Variants in CTNNA3 observed in about 807,000 individuals in gnomAD.
The protein encoded by CTNNA3 is catenin alpha-3.
CTNNA3 carries 76 observed loss-of-function variants against 95.7 expected under a neutral mutation model. The observed-to-expected ratio is 0.79, with a 90% CI of 0.66 to 0.96. The LOEUF is 0.96. Among genes scored for constraint, CTNNA3 ranks in the 40% least tolerant of loss-of-function variants. The probability of loss-of-function intolerance (pLI) is 0.00; values close to 1 mark genes in which losing one functional copy is unlikely to be tolerated. For synonymous variants in CTNNA3, 431 were observed against 374.4 expected, an observed-to-expected ratio of 1.15 and a Z score of -1.74; for missense variants, 1,191 against 1,089.8, an observed-to-expected ratio of 1.09 and a Z score of -1.31.
chr10:66,513,513 A>C (rs1368480296), intron 11 of CTNNA3, among the ~76,000 whole-genome samples: 5 of 152,182 alleles, frequency 3.3e-5, no homozygotes, highest in African/African-American at 1.2e-4. Context: ...GGTGGTACAC[A>C]TTGCATGGAC....
chr10:66,062,008 C>T (rs962373516), intron 15 of CTNNA3, among the ~76,000 whole-genome samples: 4 of 152,086 alleles, frequency 2.6e-5, no homozygotes, highest in Non-Finnish European at 5.9e-5. Context: ...GGGTAGGTGC[C>T]CAAATTCTGA....
chr10:66,901,840 T>C (rs1018208082), intron 7 of CTNNA3, among the ~76,000 whole-genome samples: 2 of 152,202 alleles, frequency 1.3e-5, no homozygotes, highest in Non-Finnish European at 2.9e-5. Context: ...ATGCTAAATA[T>C]GTATGCACCC....
intron 12 of CTNNA3, among the ~76,000 whole-genome samples, chr10:66,342,704 C>T (rs1384117355): frequency 6.6e-6 from 1 of 151,848 alleles, no homozygotes; most frequent in African/African-American, 2.4e-5. Context: ...TCATTAATTC[C>T]TTCATTTATT....
At chr10:66,586,969 G>T (rs1439174478) in intron 10 of CTNNA3, among the ~76,000 whole-genome samples, 1 of 152,174 alleles carries the variant, frequency 6.6e-6, no homozygotes, top group Non-Finnish European at 1.5e-5. Context: ...TAGCTGTCCA[G>T]TGGGGCTGCC....
chr10:66,320,407 T>C (rs1265340000), intron 12 of CTNNA3, among the ~76,000 whole-genome samples: 1 of 152,152 alleles, frequency 6.6e-6, no homozygotes, highest in Non-Finnish European at 1.5e-5. Context: ...TTAATTAATA[T>C]ATGTCAGTGT....
chr10:66,416,875 G>A (rs1270697711), intron 11 of CTNNA3, among the ~76,000 whole-genome samples: 1 of 151,874 alleles, frequency 6.6e-6, no homozygotes, highest in Non-Finnish European at 1.5e-5. Flanking sequence ...TATAAAAAAT[G>A]GTGAAGCAAA....
chr10:66,597,170 A>G (rs886163037), intron 10 of CTNNA3, among the ~76,000 whole-genome samples: 2 of 152,122 alleles, frequency 1.3e-5, no homozygotes, highest in Admixed American at 1.3e-4. Flanking sequence ...AGCCTATGGG[A>G]ATTATGGGAT....
At chr10:66,021,851 G>GGTTTTTTTTTTTTTTT (rs1564583857) in intron 15 of CTNNA3, among the ~76,000 whole-genome samples, 2 of 41,678 alleles carry the variant, frequency 4.8e-5, no homozygotes, top group African/African-American at 1.6e-4. Flanking sequence ...CAGGATCTTG[G>GGTTTTTTTTTTTTTTT]CTTTTTTTTT....
intron 7 of CTNNA3, among the ~76,000 whole-genome samples, chr10:66,861,253 C>A (rs1488252822): frequency 2.0e-5 from 3 of 152,154 alleles, no homozygotes; most frequent in Non-Finnish European, 4.4e-5. Flanking sequence ...TCTTGGTCAA[C>A]ATTGTTTTGT....
At chr10:66,972,983 G>A (rs1173253338) in intron 7 of CTNNA3, among the ~76,000 whole-genome samples, 1 of 152,120 alleles carries the variant, frequency 6.6e-6, no homozygotes, top group East Asian at 1.9e-4. Context: ...TTTCAGAAAT[G>A]TCAGTATTAA....
intron 7 of CTNNA3, among the ~76,000 whole-genome samples, chr10:66,805,590 A>G (rs1381216841): frequency 6.6e-6 from 1 of 151,380 alleles, no homozygotes; most frequent in African/African-American, 2.4e-5. Context: ...GGAGAAAAAC[A>G]TAAGGAAGGA....
rs1023062672 is a variant in CTNNA3, at chr10:66,116,938, AC to A, written c.1885-13690del. ...AGTCCGCACACACGATTCAATCACC[AC>A]CCCCCCAGGCCCCTCCTCCAACACA... On this transcript the variant is annotated intron_variant, in intron 13 of 17. Coordinates refer to ENST00000433211, the MANE Select transcript of CTNNA3 (RefSeq NM_013266.4). 4.0e-5 allele frequency among the ~76,000 whole-genome samples: 6 copies of A among 151,554 alleles called. 1 individual carries two copies. The highest frequency in any genetic ancestry group is 5.9e-5 in the Non-Finnish European group (4 of 67,860).
intron 7 of CTNNA3, among the ~76,000 whole-genome samples, chr10:67,124,863 T>C (rs1433499960): frequency 6.6e-6 from 1 of 152,212 alleles, no homozygotes; most frequent in East Asian, 1.9e-4. Flanking sequence ...TATACTAACA[T>C]ACTAACCAAA....
chr10:66,757,854 A>G (rs951852612), intron 9 of CTNNA3, among the ~76,000 whole-genome samples: 3 of 152,100 alleles, frequency 2.0e-5, no homozygotes, highest in African/African-American at 7.2e-5. Flanking sequence ...TAGCTGTGTG[A>G]TCTTAAGTGA....
chr10:67,354,096 T>G (rs1217577286), intron 5 of CTNNA3, among the ~76,000 whole-genome samples: 1 of 152,002 alleles, frequency 6.6e-6, no homozygotes, highest in African/African-American at 2.4e-5. Context: ...ACATTTCTCA[T>G]TACTAGGAAC....
At chr10:67,639,863 A>G (rs1206507593) in intron 2 of CTNNA3, among the ~76,000 whole-genome samples, 1 of 152,206 alleles carries the variant, frequency 6.6e-6, no homozygotes, top group Non-Finnish European at 1.5e-5. Context: ...ATCTCAACAT[A>G]ATAAGAGCTA....
At chr10:67,607,770 G>A (rs558736465) in intron 2 of CTNNA3, among the ~76,000 whole-genome samples, 1 of 152,148 alleles carries the variant, frequency 6.6e-6, no homozygotes, top group South Asian at 2.1e-4. Flanking sequence ...GAAGGAAGTG[G>A]GAGTCTTAGT....
chr10:65,950,080 T>C (rs2077584226), intron 17 of CTNNA3, among the ~76,000 whole-genome samples: 1 of 152,094 alleles, frequency 6.6e-6, no homozygotes, highest in Non-Finnish European at 1.5e-5. Context: ...TACTAGGAGT[T>C]ATTGATTTGC....
intron 5 of CTNNA3, among the ~76,000 whole-genome samples, chr10:67,297,304 T>C (rs1840080469): frequency 6.6e-6 from 1 of 152,158 alleles, no homozygotes; most frequent in South Asian, 2.1e-4. Flanking sequence ...TTCACAAATA[T>C]TTTCTTTCCA....
Sources: gnomAD v4.1 joint callset for allele counts (sites outside exome capture counted in the v4.1 genomes callset) on GRCh38, gnomAD v4.1.1 for gene constraint, MANE v1.5 for transcripts, NCBI Gene and HGNC (gene_info 2026-07-23, HGNC 2026-07-21) for gene names.